Variants in SNX25 observed in about 807,000 individuals in gnomAD.
SNX25 encodes the protein sorting nexin-25.
Under a neutral mutation model 113.7 loss-of-function variants are expected in SNX25, and 62 were observed. That is an observed-to-expected ratio of 0.55 (90% CI 0.44 to 0.67). SNX25 has a LOEUF of 0.67. SNX25 is among the 30% of genes least tolerant of loss of function. The probability of loss-of-function intolerance (pLI) is 0.00; values close to 1 mark genes in which losing one functional copy is unlikely to be tolerated. For missense variants in SNX25, 1,014 were observed against 1,161.0 expected, an observed-to-expected ratio of 0.87 and a Z score of 1.84; for synonymous variants, 421 against 436.2, an observed-to-expected ratio of 0.97 and a Z score of 0.43.
intron 15 of SNX25, among the ~76,000 whole-genome samples, chr4:185,356,307 T>C (rs1579917055): frequency 6.6e-6 from 1 of 152,098 alleles, no homozygotes; most frequent in East Asian, 1.9e-4. Flanking sequence ...GGCCCCCTTT[T>C]TAAAAATAAC....
At chr4:185,209,332 C>T (rs1459748881), upstream of SNX25, 1 of 152,390 alleles carries the variant, frequency 6.6e-6, no homozygotes, top group Non-Finnish European at 1.5e-5. The surrounding 1 kb of genome is among the most constrained non-coding windows in gnomAD (Gnocchi z 5.2). Context: ...CACCTGAGCT[C>T]AGGAATTACC....
chr4:185,358,553 G>A (rs1561054596), intron 16 of SNX25, among the ~76,000 whole-genome samples: 1 of 152,198 alleles, frequency 6.6e-6, no homozygotes, highest in Non-Finnish European at 1.5e-5. Flanking sequence ...CTGAAAGGGT[G>A]TCCTAGCGAT....
At chr4:185,366,997 T>C (rs2095390175), downstream of SNX25, 1 of 554,846 alleles carries the variant, frequency 1.8e-6, no homozygotes, top group Non-Finnish European at 3.2e-6. Flanking sequence ...TTTGACCTTG[T>C]GTCTAGGTTT....
intron 5 of SNX25, among the ~76,000 whole-genome samples, chr4:185,273,061 A>G (rs999603037): frequency 6.6e-6 from 1 of 152,126 alleles, no homozygotes; most frequent in African/African-American, 2.4e-5. Context: ...GACATTGCCA[A>G]GTGTCTTAGG....
chr4:185,267,048 G>A lies in SNX25; in HGVS notation c.984G>A (p.Glu328=). The change falls in exon 5 of 19, where the codon GAG becomes GAA. Residue 328 remains glutamate (E), a synonymous_variant. Transcript: ENST00000652585. Reference sequence around the variant, plus strand: ...TGCTTGCCCAGCTGGCGTACAGAGAGCAAATGAATGAGCATCACAAGAGAG... The same window carrying A: ...TGCTTGCCCAGCTGGCGTACAGAGAACAAATGAATGAGCATCACAAGAGAG... ...QMLLAQLAYR[E]QMNEHHKRAY... 1 of 1,613,956 alleles carries A rather than the reference G, an allele frequency of 6.2e-7. No individual in the cohort carries two copies. The highest frequency in any genetic ancestry group is 8.5e-7 in the Non-Finnish European group (1 of 1,179,954).
At chr4:185,245,885 A>G (rs952045979) in intron 1 of SNX25, among the ~76,000 whole-genome samples, 7 of 152,224 alleles carry the variant, frequency 4.6e-5, no homozygotes, top group Non-Finnish European at 8.8e-5. Context: ...AACTTGCGTT[A>G]CTTCCAATTT....
intron 7 of SNX25, among the ~76,000 whole-genome samples, chr4:185,317,963 C>G (rs1417326981): frequency 1.3e-5 from 2 of 152,076 alleles, no homozygotes; most frequent in African/African-American, 4.8e-5. Flanking sequence ...AAGAAACGTA[C>G]TGGAAAATCT....
rs377450195 is a variant in SNX25, at chr4:185,220,260, T to C, written c.429+10005T>C. On this transcript the variant is annotated intron_variant, in intron 1 of 18. Coordinates refer to ENST00000652585, the MANE Select transcript of SNX25 (RefSeq NM_001378034.2). ...TATGACCAGTGTCTGTCTCTGTTCC[T>C]CTTGTTTCTTTTTTTTTCTTTAAAT... Among the ~76,000 whole-genome samples, 277 of 97,124 alleles carry C rather than the reference T, an allele frequency of 2.9e-3. 2 individuals are homozygous for C. The highest frequency in any genetic ancestry group is 9.2e-3 in the African/African-American group (261 of 28,412). The allele number at this position is 97,124 out of a possible 152,430, so 63.7% of individuals were successfully genotyped here. A position where few individuals can be genotyped will look rare whatever the true frequency, so the allele number is the denominator to read the frequency against.
In SNX25 at chr4:185,324,419, C is replaced by T. The variant is rs550256022; in HGVS notation, c.1749+619C>T. On this transcript the variant is annotated intron_variant, in intron 9 of 18. Transcript: ENST00000652585. ...GCTTCTGGCCGATTTCAGTCAGGAGCACTCTCTCTTACAGACTAAAGAGTA... is the reference window on the plus strand; with the variant it reads ...GCTTCTGGCCGATTTCAGTCAGGAGTACTCTCTCTTACAGACTAAAGAGTA... Among the ~76,000 whole-genome samples, 2 of 152,294 alleles carry T rather than the reference C, an allele frequency of 1.3e-5. 1 individual carries two copies. The highest frequency in any genetic ancestry group is 4.1e-4 in the South Asian group (2 of 4,830).
chr4:185,335,227 C>T (rs995769819), intron 10 of SNX25, among the ~76,000 whole-genome samples: 17 of 151,312 alleles, frequency 1.1e-4, no homozygotes, highest in African/African-American at 4.1e-4. Flanking sequence ...GGCTGAGACA[C>T]GAGAATCACT....
chr4:185,208,948 T>A (rs1354937992), upstream of SNX25, among the ~76,000 whole-genome samples: 1 of 152,178 alleles, frequency 6.6e-6, no homozygotes, highest in African/African-American at 2.4e-5. Context: ...TGGACCACGT[T>A]CCTTTGCGTG....
At chr4:185,372,566 G>A (rs977154441), downstream of SNX25, among the ~76,000 whole-genome samples, 2 of 152,208 alleles carry the variant, frequency 1.3e-5, no homozygotes, top group African/African-American at 4.8e-5. Flanking sequence ...TGACTAGTAA[G>A]TTCCCTTGGA....
At chr4:185,327,223 T>C (rs2095163041) in intron 9 of SNX25, among the ~76,000 whole-genome samples, 1 of 152,216 alleles carries the variant, frequency 6.6e-6, no homozygotes, top group South Asian at 2.1e-4. Context: ...GTGGAGAGCC[T>C]AGGACCTAGA....
intron 6 of SNX25, among the ~76,000 whole-genome samples, chr4:185,296,198 A>G (rs180694243): frequency 6.6e-5 from 10 of 152,232 alleles, no homozygotes; most frequent in Non-Finnish European, 1.5e-5. Context: ...GTCGTCTCCT[A>G]CAGGCCCCAC....
At chr4:185,257,760 A>T (rs1455512474) in intron 2 of SNX25, among the ~76,000 whole-genome samples, 1 of 152,106 alleles carries the variant, frequency 6.6e-6, no homozygotes, top group Non-Finnish European at 1.5e-5. Context: ...TTCAAATTAG[A>T]TAGCACTGGT....
At chr4:185,213,624 A>G (rs947361165) in intron 1 of SNX25, among the ~76,000 whole-genome samples, 1 of 152,130 alleles carries the variant, frequency 6.6e-6, no homozygotes, top group African/African-American at 2.4e-5. Flanking sequence ...TTGTCTTTCT[A>G]TCTTCTGCCA....
At chr4:185,321,800 A>G (rs1016755509) in intron 8 of SNX25, among the ~76,000 whole-genome samples, 2 of 152,192 alleles carry the variant, frequency 1.3e-5, no homozygotes, top group Non-Finnish European at 2.9e-5. Flanking sequence ...CTGCATCTGT[A>G]CTGAACATGT....
intron 1 of SNX25, among the ~76,000 whole-genome samples, chr4:185,244,542 G>A (rs1232460330): frequency 2.0e-5 from 3 of 151,922 alleles, no homozygotes; most frequent in Non-Finnish European, 2.9e-5. Context: ...TGAACTAAAT[G>A]AAAAATGTTA....
intron 17 of SNX25, 169 bp from the exon 18 acceptor site, chr4:185,362,442 A>G (rs1252478317): frequency 1.2e-6 from 1 of 810,266 alleles, no homozygotes; most frequent in Non-Finnish European, 1.5e-6. Context: ...TAAGTGCCTT[A>G]TGTTGAAACA....
Sources: allele counts gnomAD v4.1 joint callset (sites outside exome capture counted in the v4.1 genomes callset), GRCh38; gene constraint gnomAD v4.1.1; non-coding constraint Gnocchi (gnomAD v3.1); transcripts MANE v1.5; gene names NCBI Gene and HGNC (gene_info 2026-07-23, HGNC 2026-07-21).